The following ITPK1 variants were observed in gnomAD, a reference collection of about 807,000 sequenced individuals.
ITPK1 encodes inositol-tetrakisphosphate 1-kinase, also known as inositol 1,3,4-trisphosphate 5/6-kinase.
ITPK1 carries 21 observed loss-of-function variants against 45.3 expected under a neutral mutation model. The ratio of observed to expected loss-of-function variants is 0.46; its 90% CI spans 0.33 to 0.67. The LOEUF is 0.67. ITPK1 is among the 30% of genes least tolerant of loss of function. The pLI is 0.02. For synonymous variants in ITPK1, 258 were observed against 253.6 expected, an observed-to-expected ratio of 1.02 and a Z score of -0.16; for missense variants, 474 against 573.5, an observed-to-expected ratio of 0.83 and a Z score of 1.77.
At position 93,076,706 on chromosome 14, in the gene ITPK1, G is replaced by C. The variant is rs1891235788; in HGVS notation, c.96-87C>G. 1.3e-6 allele frequency: 2 copies of C among 1,541,298 alleles called. No homozygotes were observed. The highest frequency in any genetic ancestry group is 2.2e-5 in the South Asian group (2 of 89,484). On this transcript the variant is annotated intron_variant, in intron 2 of 10. Coordinates refer to ENST00000267615, the MANE Select transcript of ITPK1 (RefSeq NM_014216.6). The surrounding 1 kb of genome is among the most constrained non-coding windows in gnomAD (Gnocchi z 4.3). Reference sequence around the variant, plus strand: ...GGTTCCCGACAGCCGGCTGAGGGCAGGACCATGAGAGGGTTTCAGGAGGGA... The same window carrying C: ...GGTTCCCGACAGCCGGCTGAGGGCACGACCATGAGAGGGTTTCAGGAGGGA...
chr14:93,036,318 C>T lies in ITPK1; in HGVS notation c.121-19517G>A, dbSNP rs549809241. 6.6e-6 allele frequency among the ~76,000 whole-genome samples: 1 copy of T among 152,286 alleles called. No homozygotes were observed. The highest frequency in any genetic ancestry group is 2.4e-5 in the African/African-American group (1 of 41,556). ...ATGTCTAAAGGGCATCCGGTTGAGG[C>T]CACAAGGTCATGCTCTGTGACAGCG... On this transcript the variant is annotated intron_variant, in intron 3 of 10. Transcript: ENST00000267615. The surrounding 1 kb of genome is among the most constrained non-coding windows in gnomAD (Gnocchi z 4.1).
chr14:92,940,251 C>T lies in ITPK1; in HGVS notation c.*1310G>A. On this transcript the variant is annotated 3_prime_UTR_variant, in exon 11 of 11. Transcript: ENST00000267615. ...GCCTTTTTCACTTTTTCAAAGTAAA[C>T]TGCTATCTTAAGACACAAAAACATA... The T allele has an allele frequency of 1.0e-6, 1 of 986,622 alleles. No individual in the cohort carries two copies. Among genetic ancestry groups the T allele is most frequent in the East Asian group, 1.1e-4 (1 of 8,826 alleles). 61.1% of individuals were successfully genotyped at this position (986,622 alleles called of 1,614,324 possible).
chr14:92,956,652 C>A (rs1229493604), intron 8 of ITPK1, among the ~76,000 whole-genome samples: 1 of 152,116 alleles, frequency 6.6e-6, no homozygotes, highest in African/African-American at 2.4e-5. Flanking sequence ...GGAGATCTGA[C>A]AGTAAATTTC....
At chr14:92,975,791 T>G (rs566479500) in intron 5 of ITPK1, among the ~76,000 whole-genome samples, 1 of 152,340 alleles carries the variant, frequency 6.6e-6, no homozygotes, top group East Asian at 1.9e-4. Context: ...TCCTCAGGCC[T>G]TTGGACTTGG....
chr14:92,978,172 CT>C (rs1490534685), intron 5 of ITPK1, among the ~76,000 whole-genome samples: 3 of 151,916 alleles, frequency 2.0e-5, no homozygotes, highest in Non-Finnish European at 4.4e-5. Context: ...TATTGTGTCC[CT>C]GCTCTAGAGA....
chr14:92,957,132 G>C (rs1350172828), intron 8 of ITPK1, among the ~76,000 whole-genome samples: 1 of 152,266 alleles, frequency 6.6e-6, no homozygotes, highest in East Asian at 1.9e-4. Context: ...CACCAGCCAG[G>C]AGATGTGGAT....
rs565966416 is a variant in ITPK1, at chr14:92,947,350, C to T, written c.739-857G>A. 2.0e-5 allele frequency among the ~76,000 whole-genome samples: 3 copies of T among 152,330 alleles called. No individual in the cohort carries two copies. In the South Asian group the frequency reaches 6.2e-4, roughly 32 times the overall value. On this transcript the variant is annotated intron_variant, in intron 9 of 10. Transcript: ENST00000267615. ...TGTTCTCCCTCCCAGCCCGGCACTC[C>T]CCTCTGCCACTCAAGTCCTGTGCCT...
At chr14:93,106,512 C>A (rs1434709577) in intron 2 of ITPK1, among the ~76,000 whole-genome samples, 3 of 152,202 alleles carry the variant, frequency 2.0e-5, no homozygotes, top group African/African-American at 7.2e-5. Flanking sequence ...GGACACCGTC[C>A]ACCCTGTGGG....
At chr14:93,015,608 C>A (rs535747508) in intron 4 of ITPK1, among the ~76,000 whole-genome samples, 1 of 152,370 alleles carries the variant, frequency 6.6e-6, no homozygotes, top group South Asian at 2.1e-4. Flanking sequence ...GGGCCACTGG[C>A]AGGGCAGACG....
At chr14:92,991,285 A>C (rs1164233607) in intron 5 of ITPK1, among the ~76,000 whole-genome samples, 1 of 152,102 alleles carries the variant, frequency 6.6e-6, no homozygotes, top group Non-Finnish European at 1.5e-5. Flanking sequence ...GATGCTGGTG[A>C]ATGGACAGCC....
Position 93,014,268 on chromosome 14 carries a change from C to G in ITPK1, c.246+2408G>C, listed in dbSNP as rs1291411216. Among the ~76,000 whole-genome samples the G allele has an allele frequency of 1.3e-5, 2 of 152,210 alleles. No homozygotes were observed. The highest frequency in any genetic ancestry group is 4.8e-5 in the African/African-American group (2 of 41,452). Reference sequence around the variant, plus strand: ...ACAAGGCCCCATGCTGCCCTCCACACACGCTCCCTGTTAATATTGTTTTCT... The same window carrying G: ...ACAAGGCCCCATGCTGCCCTCCACAGACGCTCCCTGTTAATATTGTTTTCT... On this transcript the variant is annotated intron_variant, in intron 4 of 10. Transcript: ENST00000267615. This position sits in a 1 kb window ranked among gnomAD's most constrained non-coding sequence, Gnocchi z 4.4.
rs563791210 is a variant in ITPK1 at position 93,072,787 on chromosome 14, G to A, written c.120+3808C>T. ...AACTAATTTTTTGTATTTGTGGTTG[G>A]GGGGGAACCCTCAGACGAGGTTTTG... On this transcript the variant is annotated intron_variant, in intron 3 of 10. Transcript: ENST00000267615. Among the ~76,000 whole-genome samples, 15 of 152,104 alleles carry A rather than the reference G, an allele frequency of 9.9e-5. No homozygotes were observed. In the East Asian group the frequency reaches 2.7e-3, roughly 27 times the overall value.
intron 3 of ITPK1, among the ~76,000 whole-genome samples, chr14:93,075,613 G>A (rs1891190680): frequency 6.6e-6 from 1 of 152,190 alleles, no homozygotes; most frequent in Non-Finnish European, 1.5e-5. Flanking sequence ...GGCCTGCAAT[G>A]CTGAACCTGC....
intron 3 of ITPK1, among the ~76,000 whole-genome samples, chr14:93,023,751 G>T (rs1888585503): frequency 6.6e-6 from 1 of 152,170 alleles, no homozygotes; most frequent in Non-Finnish European, 1.5e-5. Flanking sequence ...CCTGTAAGGG[G>T]AAGATAACTT....
At chr14:92,991,902 G>A (rs373533223) in intron 5 of ITPK1, among the ~76,000 whole-genome samples, 40 of 152,258 alleles carry the variant, frequency 2.6e-4, no homozygotes, top group Admixed American at 6.5e-4. Context: ...CCAGTGGGCC[G>A]GTCCCATGCT....
Position 93,016,732 on chromosome 14 carries a change from T to C in ITPK1, c.190A>G (p.Ile64Val). The change falls in exon 4 of 11, where the codon ATC (isoleucine) becomes GTC (valine). Residue 64 changes from isoleucine to valine, a missense_variant. Physicochemically the swap from Ile to Val is conservative, Grantham distance 29. Transcript: ENST00000267615. The surrounding 1 kb of genome is among the most constrained non-coding windows in gnomAD (Gnocchi z 5.0). The part of the protein sequence containing the change: ...DVIIHKLTDV[I>V]LEADQNDSQS... ...CTATCATTCTGGTCGGCTTCAAGGA[T>C]GACGTCAGTCAGCTTGTGGATGATG... is the stretch of plus-strand genomic sequence containing the variant. The C allele has an allele frequency of 5.0e-6, 8 of 1,614,184 alleles. No homozygotes were observed. Among genetic ancestry groups the C allele is most frequent in the East Asian group, 2.2e-5 (1 of 44,892 alleles).
intron 2 of ITPK1, among the ~76,000 whole-genome samples, chr14:93,085,054 G>A (rs563768944): frequency 3.7e-4 from 56 of 152,214 alleles, no homozygotes; most frequent in Admixed American, 9.2e-4. Flanking sequence ...GAGTGCTGCC[G>A]GGTTCCTGGG....
At chr14:93,108,402 G>C (rs1892608455) in intron 2 of ITPK1, among the ~76,000 whole-genome samples, 1 of 152,240 alleles carries the variant, frequency 6.6e-6, no homozygotes, top group Non-Finnish European at 1.5e-5. Flanking sequence ...TTGACTTTAA[G>C]TATTTACTGA....
chr14:92,957,620 C>T (rs894925421), intron 8 of ITPK1, among the ~76,000 whole-genome samples: 3 of 152,220 alleles, frequency 2.0e-5, no homozygotes, highest in South Asian at 2.1e-4. Context: ...GACTCCTAGA[C>T]CACCGTCCAC....
Sources: allele counts gnomAD v4.1 joint callset (sites outside exome capture counted in the v4.1 genomes callset), GRCh38; gene constraint gnomAD v4.1.1; non-coding constraint Gnocchi (gnomAD v3.1); transcripts MANE v1.5; gene names NCBI Gene and HGNC (gene_info 2026-07-23, HGNC 2026-07-21).